The following KIT variants were observed in gnomAD, a reference collection of about 807,000 sequenced individuals.
KIT encodes the protein mast/stem cell growth factor receptor Kit.
In KIT, 16 loss-of-function variants were observed where a neutral mutation model predicts 105.7. The observed-to-expected ratio is 0.15, with a 90% CI of 0.10 to 0.23. The LOEUF is 0.23. Among genes scored for constraint, KIT ranks in the 10% least tolerant of loss-of-function variants. The pLI is 1.00. For synonymous variants in KIT, 438 were observed against 441.1 expected (o/e 0.99, Z 0.09); for missense variants, 858 against 1,213.8 (o/e 0.71, Z 4.36).
intron 4 of KIT, among the ~76,000 whole-genome samples, chr4:54,701,425 TCA>T (rs779107730): frequency 2.0e-5 from 3 of 152,236 alleles, no homozygotes; most frequent in Non-Finnish European, 2.9e-5. Context: ...TAAGTTTAAC[TCA>T]CAATGTAATT....
intron 17 of KIT, 89 bp downstream of exon 17, chr4:54,733,281 TA>T: frequency 7.0e-7 from 1 of 1,422,608 alleles, no homozygotes; most frequent in Non-Finnish European, 9.8e-7. Flanking sequence ...TTTCATAATG[TA>T]AATCCTGTCT....
At chr4:54,728,926 C>T (rs1722410027) in intron 13 of KIT, among the ~76,000 whole-genome samples, 1 of 152,164 alleles carries the variant, frequency 6.6e-6, no homozygotes, top group African/African-American at 2.4e-5. Context: ...CTGATTTTCC[C>T]ACTATGCCAC....
rs184145119 is a variant in KIT, at chr4:54,735,363, C to T, written c.2485-1135C>T. On this transcript the variant is annotated intron_variant, in intron 17 of 20. Transcript: ENST00000288135. The stretch of plus-strand genomic sequence containing the variant: ...TGTAAGCTGACTAAAATAACTTTAA[C>T]ACCAAAAAAAAAAAAGAAAAAAAAA... Among the ~76,000 whole-genome samples the T allele has an allele frequency of 5.1e-3, 493 of 97,344 alleles. 4 individuals carry two copies. Among genetic ancestry groups the T allele is most frequent in the Middle Eastern group, 0.02 (4 of 204 alleles). 63.9% of individuals were successfully genotyped at this position (97,344 alleles called of 152,430 possible).
At chr4:54,674,930 G>A (rs578228717) in intron 1 of KIT, among the ~76,000 whole-genome samples, 5 of 152,150 alleles carry the variant, frequency 3.3e-5, no homozygotes, top group Admixed American at 1.3e-4. Flanking sequence ...AGTTTTAAAA[G>A]TATTAAATCA....
chr4:54,716,884 G>A (rs1030754599), intron 7 of KIT, among the ~76,000 whole-genome samples: 2 of 152,136 alleles, frequency 1.3e-5, no homozygotes, highest in African/African-American at 4.8e-5. Flanking sequence ...TACTGTGCTG[G>A]CTTTCAGGAC....
chr4:54,682,873 T>A (rs1339860865), intron 1 of KIT, among the ~76,000 whole-genome samples: 1 of 151,280 alleles, frequency 6.6e-6, no homozygotes, highest in African/African-American at 2.4e-5. Context: ...TGCCTCAGCC[T>A]CCTGAGTAGC....
intron 1 of KIT, among the ~76,000 whole-genome samples, chr4:54,663,658 G>A (rs934909561): frequency 1.3e-5 from 2 of 151,974 alleles, no homozygotes; most frequent in African/African-American, 4.8e-5. Context: ...GTTTAGGTTG[G>A]GGGAATGTCT....
intron 1 of KIT, among the ~76,000 whole-genome samples, chr4:54,687,022 G>A (rs931067595): frequency 1.3e-5 from 2 of 152,122 alleles, no homozygotes; most frequent in African/African-American, 4.8e-5. Context: ...GGACATTTGG[G>A]AATATGTGGT....
intron 13 of KIT, 143 bp from the exon 14 acceptor site, chr4:54,729,192 A>T (rs1166378883): frequency 8.7e-6 from 7 of 807,408 alleles, no homozygotes; most frequent in Non-Finnish European, 1.4e-5. Flanking sequence ...CAGTGTTAAT[A>T]TATGGGATTG....
chr4:54,703,531 A>G (rs1720584759), intron 4 of KIT, among the ~76,000 whole-genome samples, 193 bp from the exon 5 acceptor site: 1 of 152,216 alleles, frequency 6.6e-6, no homozygotes, highest in East Asian at 1.9e-4. Flanking sequence ...CTGTCTTTCA[A>G]CATAATCCTG....
At chr4:54,666,174 G>A (rs1577910873) in intron 1 of KIT, among the ~76,000 whole-genome samples, 2 of 152,306 alleles carry the variant, frequency 1.3e-5, no homozygotes, top group South Asian at 4.1e-4. Flanking sequence ...GTGAATGACA[G>A]TCTTCAAATA....
chr4:54,739,421 C>A lies in KIT; in HGVS notation c.*864C>A, dbSNP rs1723121097. ...CCACAAAGCACAGTTTGAACAAAAT[C>A]TCCTCTTTTAGCTGATGAACTTATT... On this transcript the variant is annotated 3_prime_UTR_variant, in exon 21 of 21. Transcript: ENST00000288135. The A allele has an allele frequency of 4.3e-6, 1 of 233,432 alleles. No homozygotes were observed. The highest frequency in any genetic ancestry group is 8.5e-6 in the Non-Finnish European group (1 of 117,858). The allele number at this position is 233,432 out of a possible 1,614,324, so 14.5% of individuals were successfully genotyped here.
At chr4:54,724,867 G>A (rs1722121830) in intron 8 of KIT, among the ~76,000 whole-genome samples, 1 of 152,154 alleles carries the variant, frequency 6.6e-6, no homozygotes. Context: ...GGTTGGATAA[G>A]CTTGTTCTAG....
At chr4:54,663,461 C>G (rs745426864) in intron 1 of KIT, among the ~76,000 whole-genome samples, 66 of 152,144 alleles carry the variant, frequency 4.3e-4, no homozygotes, top group Non-Finnish European at 7.8e-4. Flanking sequence ...TCTTATGTTC[C>G]CCTTTCAGCT....
chr4:54,710,233 G>C (rs748602499), intron 7 of KIT, among the ~76,000 whole-genome samples: 2 of 152,180 alleles, frequency 1.3e-5, no homozygotes, highest in Non-Finnish European at 2.9e-5. Flanking sequence ...CAAGTGCAGG[G>C]CTTCTTCCTG....
intron 7 of KIT, among the ~76,000 whole-genome samples, chr4:54,716,742 A>G (rs1415323593): frequency 6.6e-6 from 1 of 152,166 alleles, no homozygotes; most frequent in African/African-American, 2.4e-5. Context: ...CTGTCAGATG[A>G]TTATTTAAAG....
intron 6 of KIT, among the ~76,000 whole-genome samples, chr4:54,708,046 G>A (rs975469725): frequency 5.3e-5 from 8 of 152,152 alleles, no homozygotes; most frequent in Admixed American, 5.2e-4. Context: ...CCTGGGCCAA[G>A]GACTAAAGGT....
chr4:54,709,631 A>G (rs747533133), intron 7 of KIT, 92 bp downstream of exon 7: 10 of 795,260 alleles, frequency 1.3e-5, no homozygotes, highest in Non-Finnish European at 2.0e-5. Flanking sequence ...CTTGTGTACT[A>G]TGTAAATAAC....
chr4:54,663,383 G>A (rs745630407), intron 1 of KIT, among the ~76,000 whole-genome samples: 5 of 152,158 alleles, frequency 3.3e-5, no homozygotes, highest in Non-Finnish European at 5.9e-5. Context: ...ATGAGATTCT[G>A]CATGTAATAT....
Sources: allele counts gnomAD v4.1 joint callset (sites outside exome capture counted in the v4.1 genomes callset), GRCh38; gene constraint gnomAD v4.1.1; transcripts MANE v1.5; gene names NCBI Gene and HGNC (gene_info 2026-07-23, HGNC 2026-07-21).